AADACL2: variants seen among roughly 807,000 people sequenced by gnomAD.
AADACL2 encodes the protein arylacetamide deacetylase like 2.
Under a neutral mutation model 22.3 loss-of-function variants are expected in AADACL2, and 23 were observed. The observed-to-expected ratio is 1.03, with a 90% CI of 0.74 to 1.46. AADACL2 has a LOEUF of 1.46. Ranked by LOEUF, AADACL2 falls within the 40% of genes most tolerant of loss-of-function variation. The pLI, the probability that AADACL2 is intolerant of heterozygous loss-of-function variation, is 0.00. For missense variants in AADACL2, 472 were observed against 482.9 expected (o/e 0.98, Z 0.21); for synonymous variants, 177 against 166.2 (o/e 1.07, Z -0.50).
At chr3:151,747,388 G>A (rs1300373825) in intron 4 of AADACL2, among the ~76,000 whole-genome samples, 2 of 151,880 alleles carry the variant, frequency 1.3e-5, no homozygotes, top group Non-Finnish European at 2.9e-5. Context: ...ATATCTCCCT[G>A]TTCTCCCCAT....
rs1713990497 is a variant in AADACL2, at chr3:151,757,746, T to G, written c.*152T>G. The G allele has an allele frequency of 1.1e-6, 1 of 944,448 alleles. No individual in the cohort carries two copies. The highest frequency in any genetic ancestry group is 1.7e-5 in the African/African-American group (1 of 60,490). The allele number at this position is 944,448 out of a possible 1,614,324, so 58.5% of individuals were successfully genotyped here. The stretch of plus-strand genomic sequence containing the variant: ...TGTGTGTCCTTGAAGAGTTATTAAA[T>G]TTTCTGACTTGCAGACCCTGAATAT... On this transcript the variant is annotated 3_prime_UTR_variant, in exon 5 of 5. Transcript: ENST00000356517.
At position 151,745,643 on chromosome 3, in the gene AADACL2, G is replaced by T. The variant is rs777744746; in HGVS notation, c.566G>T (p.Ser189Ile). ...ACCCGAATCTGCATTGCGGGAGACA[G>T]TTCTGGGGGCAATTTAGCAACAGCG... ...DPTRICIAGD[S>I]SGGNLATAVT... The change falls in exon 4 of 5, where the codon AGT becomes ATT. Residue 189 changes from serine (S) to isoleucine (I), a missense_variant. Ser to Ile is a moderately radical substitution (Grantham distance 142). Transcript: ENST00000356517. 1 of 1,612,292 alleles carries T rather than the reference G, an allele frequency of 6.2e-7. No individual in the cohort carries two copies.
chr3:151,740,548 CCTTG>C, intron 1 of AADACL2, 94 bp from the exon 2 acceptor site: 2 of 764,940 alleles, frequency 2.6e-6, no homozygotes, highest in Non-Finnish European at 2.0e-6. Context: ...TTTTTGTTTA[CCTTG>C]CTTATTTTTT....
rs115848375 is a variant in AADACL2 at position 151,750,854 on chromosome 3, C to T, written c.603+5174C>T. Among the ~76,000 whole-genome samples, 1,188 of 152,118 alleles carry T rather than the reference C, an allele frequency of 7.8e-3. 18 individuals are homozygous for T. Among genetic ancestry groups the T allele is most frequent in the African/African-American group, 0.026 (1,086 of 41,472 alleles). On this transcript the variant is annotated intron_variant, in intron 4 of 4. Transcript: ENST00000356517. Reference sequence around the variant, plus strand: ...ACATGTACATGTACATATGCCTATACGTATATATTAATCTATGACATCATA... The same window carrying T: ...ACATGTACATGTACATATGCCTATATGTATATATTAATCTATGACATCATA...
At chr3:151,749,667 G>C (rs1373636968) in intron 4 of AADACL2, among the ~76,000 whole-genome samples, 2 of 152,024 alleles carry the variant, frequency 1.3e-5, no homozygotes, top group Non-Finnish European at 2.9e-5. Flanking sequence ...ATTTTTAGTA[G>C]AGACAAGGTT....
chr3:151,757,094 G>A lies in AADACL2; in HGVS notation c.706G>A (p.Glu236Lys), dbSNP rs905472160. Residue 236 changes from glutamate (E) to lysine (K), a missense_variant, in exon 5 of 5, where the codon GAG (glutamate) becomes AAG (lysine). Physicochemically the swap from Glu to Lys is moderately conservative, Grantham distance 56. This residue lies in a region of AADACL2 where 356 missense variants were observed against 365.5 expected (regional missense o/e 0.97). Coordinates refer to ENST00000356517, the MANE Select transcript of AADACL2 (RefSeq NM_207365.4). ...TTATTTGCCATCTCACCGAGAAAAT[G>A]AGCATGGTATAGTTTTGACCAGGGA... The part of the protein sequence containing the change: ...DSYLPSHREN[E>K]HGIVLTRDVA... The A allele has an allele frequency of 1.2e-6, 2 of 1,612,992 alleles. No individual in the cohort carries two copies. Among genetic ancestry groups the A allele is most frequent in the South Asian group, 1.1e-5 (1 of 90,952 alleles).
At chr3:151,754,793 T>A (rs1246350054) in intron 4 of AADACL2, among the ~76,000 whole-genome samples, 1 of 152,274 alleles carries the variant, frequency 6.6e-6, no homozygotes, top group East Asian at 1.9e-4. Context: ...TTTTACTTTT[T>A]CATTCTTGTT....
Position 151,758,659 on chromosome 3 carries a change from G to A in AADACL2, c.*1065G>A, listed in dbSNP as rs913223363. The stretch of plus-strand genomic sequence containing the variant: ...AATATATCATCTCAAATTACCTAAA[G>A]AATAAATCACTTCTGTAGCCCTTTT... On this transcript the variant is annotated 3_prime_UTR_variant, in exon 5 of 5. Transcript: ENST00000356517. 1 of 152,062 alleles carries A rather than the reference G, an allele frequency of 6.6e-6. No homozygotes were observed. The highest frequency in any genetic ancestry group is 6.6e-5 in the Admixed American group (1 of 15,258). 9.4% of individuals were successfully genotyped at this position (152,062 alleles called of 1,614,324 possible). A position where few individuals can be genotyped will look rare whatever the true frequency, so the allele number is the denominator to read the frequency against.
Position 151,757,264 on chromosome 3 carries a change from A to G in AADACL2, c.876A>G (p.Arg292=), listed in dbSNP as rs1713958460. ...GTATTCTTCTTCCTGAGAAGTATAG[A>G]AAAGACTATGTATATACTGAACCAA... ...NWSILLPEKY[R]KDYVYTEPIL... is the part of the protein sequence containing the mutation. Residue 292 remains arginine (R), a synonymous_variant, in exon 5 of 5, where the codon AGA becomes AGG. Coordinates refer to ENST00000356517, the MANE Select transcript of AADACL2 (RefSeq NM_207365.4). 6.2e-7 allele frequency: 1 copy of G among 1,613,632 alleles called. No individual in the cohort carries two copies. Among genetic ancestry groups the G allele is most frequent in the East Asian group, 2.2e-5 (1 of 44,882 alleles).
At chr3:151,754,645 A>C (rs1216907752) in intron 4 of AADACL2, among the ~76,000 whole-genome samples, 2 of 152,164 alleles carry the variant, frequency 1.3e-5, no homozygotes, top group African/African-American at 2.4e-5. Context: ...CACAACCTTT[A>C]AGTTACTTAG....
chr3:151,741,616 T>C (rs1212067795), intron 2 of AADACL2, among the ~76,000 whole-genome samples: 1 of 152,144 alleles, frequency 6.6e-6, no homozygotes, highest in Non-Finnish European at 1.5e-5. Flanking sequence ...TTAATTTATA[T>C]CATGTGTTAA....
At chr3:151,744,877 T>G (rs1401961) in intron 3 of AADACL2, among the ~76,000 whole-genome samples, 101,132 of 151,982 alleles carry the variant, frequency 0.67, 33,730 homozygotes, top group South Asian at 0.74. Flanking sequence ...TGTCTTACTG[T>G]TCTACACACA....
intron 4 of AADACL2, among the ~76,000 whole-genome samples, chr3:151,755,524 C>A (rs1319341554): frequency 1.3e-5 from 2 of 152,062 alleles, no homozygotes; most frequent in African/African-American, 2.4e-5. Context: ...AAGACTATGG[C>A]AAAATTGCCA....
intron 3 of AADACL2, among the ~76,000 whole-genome samples, chr3:151,745,307 CA>C (rs1286023522): frequency 1.3e-5 from 2 of 152,058 alleles, no homozygotes; most frequent in Non-Finnish European, 1.5e-5. Flanking sequence ...CAAATAATTC[CA>C]TTCATGGATT....
intron 4 of AADACL2, chr3:151,751,474 TG>T (rs1269129781): frequency 6.6e-6 from 1 of 151,920 alleles, no homozygotes; most frequent in Non-Finnish European, 1.5e-5. Flanking sequence ...GGAAGCCCAG[TG>T]GGGAGGATTA....
In AADACL2 at chr3:151,760,834, A is replaced by G. The variant is rs551432752; in HGVS notation, c.*3240A>G. On this transcript the variant is annotated 3_prime_UTR_variant, in exon 5 of 5. Coordinates refer to ENST00000356517, the MANE Select transcript of AADACL2 (RefSeq NM_207365.4). ...ATCACACCATGGTCCCTCTGAAGGC[A>G]CCAAGGATGGATCTGTTTCAGGACT... is the stretch of plus-strand genomic sequence containing the variant. 12 of 152,110 alleles carry G rather than the reference A, an allele frequency of 7.9e-5. No homozygotes were observed. Among genetic ancestry groups the G allele is most frequent in the Non-Finnish European group, 1.8e-4 (12 of 68,026 alleles). 9.4% of individuals were successfully genotyped at this position (152,110 alleles called of 1,614,324 possible). A position where few individuals can be genotyped will look rare whatever the true frequency, so the allele number is the denominator to read the frequency against.
intron 4 of AADACL2, among the ~76,000 whole-genome samples, chr3:151,753,114 T>C (rs1381010262): frequency 6.6e-6 from 1 of 152,216 alleles, no homozygotes; most frequent in Admixed American, 6.5e-5. Flanking sequence ...TGATGTCCCA[T>C]ACATAGATAG....
At chr3:151,747,540 C>T (rs751676152) in intron 4 of AADACL2, among the ~76,000 whole-genome samples, 1 of 151,976 alleles carries the variant, frequency 6.6e-6, no homozygotes, top group Non-Finnish European at 1.5e-5. Context: ...GTGTAAGGAC[C>T]TCCAGGTTCA....
chr3:151,745,399 A>G, intron 3 of AADACL2, 110 bp from the exon 4 acceptor site: 1 of 1,164,348 alleles, frequency 8.6e-7, no homozygotes, highest in Non-Finnish European at 1.2e-6. Flanking sequence ...CTTAGGCTTG[A>G]TTTTTAGAAG....
Sources: gnomAD v4.1 joint callset for allele counts (sites outside exome capture counted in the v4.1 genomes callset) on GRCh38, gnomAD v4.1.1 for gene constraint, gnomAD v4.1.1 regional missense constraint, MANE v1.5 for transcripts, NCBI Gene and HGNC (gene_info 2026-07-23, HGNC 2026-07-21) for gene names.